Variants in L3MBTL4 observed in about 807,000 individuals in gnomAD.
L3MBTL4 encodes the protein L3MBTL histone methyl-lysine binding protein 4, also known as lethal(3)malignant brain tumor-like protein 4.
L3MBTL4 carries 70 observed loss-of-function variants against 84.5 expected under a neutral mutation model. That is an observed-to-expected ratio of 0.83 (90% CI 0.68 to 1.01). The LOEUF (loss-of-function observed/expected upper bound fraction) is 1.01, where lower values mean the gene tolerates loss of function less well. Among genes scored for constraint, L3MBTL4 ranks in the 50% least tolerant of loss-of-function variants. The pLI is 0.00. For synonymous variants in L3MBTL4, 274 were observed against 259.8 expected, an observed-to-expected ratio of 1.05 and a Z score of -0.52; for missense variants, 715 against 754.8, an observed-to-expected ratio of 0.95 and a Z score of 0.62.
At chr18:6,139,708 C>CCA (rs2060137247) in intron 13 of L3MBTL4, among the ~76,000 whole-genome samples, 1 of 152,118 alleles carries the variant, frequency 6.6e-6, no homozygotes, top group South Asian at 2.1e-4. Context: ...TCCCCATTTC[C>CCA]CAGCCCTGGT....
chr18:6,072,877 AAAAAATATAT>A (rs1267802130), intron 16 of L3MBTL4, among the ~76,000 whole-genome samples: 1 of 42,672 alleles, frequency 2.3e-5, no homozygotes, highest in Non-Finnish European at 4.2e-5. Flanking sequence ...AAAAAAAAAA[AAAAAATATAT>A]ATATATATAT....
chr18:6,092,641 G>GT (rs1756487508), intron 15 of L3MBTL4, among the ~76,000 whole-genome samples: 1 of 152,206 alleles, frequency 6.6e-6, no homozygotes. Flanking sequence ...CTGGTCTCCA[G>GT]TTATTTACTT....
intron 16 of L3MBTL4, among the ~76,000 whole-genome samples, chr18:5,970,573 C>T (rs2052591799): frequency 6.6e-6 from 1 of 152,180 alleles, no homozygotes; most frequent in African/African-American, 2.4e-5. Flanking sequence ...TTTTAAGATA[C>T]TTTCAACACA....
At chr18:6,299,947 C>T (rs9952071) in intron 4 of L3MBTL4, among the ~76,000 whole-genome samples, 1,632 of 152,260 alleles carry the variant, frequency 0.011, 26 homozygotes, top group African/African-American at 0.037. Flanking sequence ...GCTAGCATTA[C>T]GGGCATGAGC....
Position 5,956,429 on chromosome 18 carries a change from C to T in L3MBTL4, c.1678-42G>A, listed in dbSNP as rs200474459. Reference sequence around the variant, plus strand: ...AGACACAAATAAAAATGTTTTGCCACGGAAGCCTGTTTACTCACCAGTAAC... The same window carrying T: ...AGACACAAATAAAAATGTTTTGCCATGGAAGCCTGTTTACTCACCAGTAAC... On this transcript the variant is annotated intron_variant, in intron 18 of 18. Coordinates refer to ENST00000317931, the MANE Select transcript of L3MBTL4 (RefSeq NM_001330559.2). The T allele has an allele frequency of 1.1e-3, 1,719 of 1,592,492 alleles. 1 individual carries two copies. Among genetic ancestry groups the T allele is most frequent in the Non-Finnish European group, 1.3e-3 (1,534 of 1,168,334 alleles).
chr18:6,353,773 G>T (rs961591819), intron 1 of L3MBTL4, among the ~76,000 whole-genome samples: 3 of 151,598 alleles, frequency 2.0e-5, no homozygotes, highest in Non-Finnish European at 2.9e-5. Context: ...ACTGATGAAA[G>T]AAATTGAAGA....
chr18:6,255,299 A>G (rs1015160909), intron 5 of L3MBTL4, among the ~76,000 whole-genome samples: 1 of 152,198 alleles, frequency 6.6e-6, no homozygotes, highest in Non-Finnish European at 1.5e-5. Flanking sequence ...AGCCTGTTAC[A>G]AGTGCTTCAT....
At chr18:5,977,934 T>C (rs2053025119) in intron 16 of L3MBTL4, among the ~76,000 whole-genome samples, 1 of 152,204 alleles carries the variant, frequency 6.6e-6, no homozygotes, top group Non-Finnish European at 1.5e-5. Context: ...AATTGTCCAT[T>C]TATTTTTTCA....
At chr18:6,166,050 A>G (rs147757972) in intron 13 of L3MBTL4, among the ~76,000 whole-genome samples, 4,600 of 152,242 alleles carry the variant, frequency 0.03, 252 homozygotes, top group African/African-American at 0.11. Flanking sequence ...GATAAAACAG[A>G]CTTCAAACCA....
intron 16 of L3MBTL4, among the ~76,000 whole-genome samples, chr18:5,970,242 T>C (rs1339443601): frequency 2.6e-5 from 4 of 152,218 alleles, no homozygotes; most frequent in Non-Finnish European, 5.9e-5. Flanking sequence ...CACTCTTAGA[T>C]GGGGTGCTCT....
chr18:6,142,753 CA>C (rs1332690885), intron 13 of L3MBTL4, among the ~76,000 whole-genome samples: 1 of 151,816 alleles, frequency 6.6e-6, no homozygotes, highest in East Asian at 1.9e-4. Flanking sequence ...CTTATTTCTA[CA>C]AAAAAATAAT....
chr18:5,958,188 A>T (rs1567912424), intron 18 of L3MBTL4, among the ~76,000 whole-genome samples: 1 of 151,772 alleles, frequency 6.6e-6, no homozygotes, highest in Non-Finnish European at 1.5e-5. Flanking sequence ...GACGAAGAAG[A>T]AGAGGAAGAA....
rs946379139 is a variant in L3MBTL4 at position 6,249,484 on chromosome 18, C to T, written c.220-4896G>A. Among the ~76,000 whole-genome samples, 18 of 152,286 alleles carry T rather than the reference C, an allele frequency of 1.2e-4. No homozygotes were observed. The South Asian group carries it at 1.2e-3, about 11-fold the overall frequency. ...TCTTGTCAGCCTTTCAAATTGGTTT[C>T]CCAATGGAACATTTGGGAGCTTTCC... On this transcript the variant is annotated intron_variant, in intron 5 of 18. Coordinates refer to ENST00000317931, the MANE Select transcript of L3MBTL4 (RefSeq NM_001330559.2).
chr18:6,030,282 A>G, intron 16 of L3MBTL4: 3 of 985,310 alleles, frequency 3.0e-6, no homozygotes, highest in Non-Finnish European at 3.6e-6. Flanking sequence ...TGAATTTTGC[A>G]CCAAATGCAC....
chr18:6,310,481 T>C (rs1430937280), intron 3 of L3MBTL4, among the ~76,000 whole-genome samples: 2 of 152,188 alleles, frequency 1.3e-5, no homozygotes, highest in Admixed American at 1.3e-4. Flanking sequence ...AGATCATTCT[T>C]TGAGATGTCT....
In L3MBTL4 at chr18:6,136,758, T is replaced by C. The variant is rs528593203; in HGVS notation, c.1199+1436A>G. ...GGGTGTGCTCCCACTCTATGGAGTGTACTTTCACTTTCAATACATCTCTGC... is the reference window on the plus strand; with the variant it reads ...GGGTGTGCTCCCACTCTATGGAGTGCACTTTCACTTTCAATACATCTCTGC... On this transcript the variant is annotated intron_variant, in intron 14 of 18. Transcript: ENST00000317931. 5.9e-5 allele frequency among the ~76,000 whole-genome samples: 9 copies of C among 152,346 alleles called. No homozygotes were observed. In the East Asian group the frequency reaches 1.5e-3, roughly 26 times the overall value.
chr18:6,234,001 G>A (rs895522047), intron 10 of L3MBTL4, among the ~76,000 whole-genome samples: 1 of 152,152 alleles, frequency 6.6e-6, no homozygotes, highest in Non-Finnish European at 1.5e-5. Context: ...AGAGCCCTCA[G>A]AAATAATACC....
At chr18:6,393,975 C>G (rs948726331) in intron 1 of L3MBTL4, among the ~76,000 whole-genome samples, 1 of 152,106 alleles carries the variant, frequency 6.6e-6, no homozygotes, top group Non-Finnish European at 1.5e-5. Context: ...CTTACTGTTC[C>G]TCAACCAAGC....
intron 14 of L3MBTL4, among the ~76,000 whole-genome samples, chr18:6,104,392 C>A (rs779961738): frequency 2.6e-5 from 4 of 152,080 alleles, no homozygotes; most frequent in Non-Finnish European, 2.9e-5. Context: ...TATTATTAAG[C>A]CTTAATAAAA....
Sources: gnomAD v4.1 joint callset for allele counts (sites outside exome capture counted in the v4.1 genomes callset) on GRCh38, gnomAD v4.1.1 for gene constraint, MANE v1.5 for transcripts, NCBI Gene and HGNC (gene_info 2026-07-23, HGNC 2026-07-21) for gene names.